CNTNAP5: variants seen among roughly 807,000 people sequenced by gnomAD.
CNTNAP5 encodes contactin-associated protein-like 5.
Under a neutral mutation model 150.2 loss-of-function variants are expected in CNTNAP5, and 72 were observed. The observed-to-expected ratio is 0.48, with a 90% CI of 0.40 to 0.58. The LOEUF (loss-of-function observed/expected upper bound fraction) is 0.58, where lower values mean the gene tolerates loss of function less well. Among genes scored for constraint, CNTNAP5 ranks in the 20% least tolerant of loss-of-function variants. The probability of loss-of-function intolerance (pLI) is 0.00; values close to 1 mark genes in which losing one functional copy is unlikely to be tolerated. For missense variants in CNTNAP5, 1,636 were observed against 1,626.2 expected (o/e 1.01, Z -0.10); for synonymous variants, 672 against 619.8 (o/e 1.08, Z -1.25).
In CNTNAP5 at chr2:124,598,873, A is replaced by T. The variant is rs537186621; in HGVS notation, c.1757-10928A>T. On this transcript the variant is annotated intron_variant, in intron 11 of 23. Coordinates refer to ENST00000682447, the MANE Select transcript of CNTNAP5 (RefSeq NM_001367498.1). Reference sequence around the variant, plus strand: ...GCGCCGTTTTTTAAGCCGGTCTGAAAAGCGCAATATTCGGGTGGGAGTGAC... The same window carrying T: ...GCGCCGTTTTTTAAGCCGGTCTGAATAGCGCAATATTCGGGTGGGAGTGAC... Among the ~76,000 whole-genome samples, 425 of 152,240 alleles carry T rather than the reference A, an allele frequency of 2.8e-3. 2 individuals are homozygous for T. The highest frequency in any genetic ancestry group is 9.7e-3 in the African/African-American group (402 of 41,544).
intron 3 of CNTNAP5, among the ~76,000 whole-genome samples, chr2:124,383,848 A>C (rs1171156466): frequency 1.3e-5 from 2 of 152,316 alleles, no homozygotes; most frequent in East Asian, 3.9e-4. Flanking sequence ...TCCTGCAGGA[A>C]ACAACCAATA....
At chr2:124,897,020 AT>A (rs1678320662) in intron 21 of CNTNAP5, among the ~76,000 whole-genome samples, 1 of 151,490 alleles carries the variant, frequency 6.6e-6, no homozygotes, top group Admixed American at 6.6e-5. Flanking sequence ...TCTATTCATC[AT>A]TTAAGCCTTT....
intron 13 of CNTNAP5, among the ~76,000 whole-genome samples, chr2:124,678,656 G>A (rs1678997183): frequency 6.6e-6 from 1 of 151,748 alleles, no homozygotes; most frequent in South Asian, 2.1e-4. Flanking sequence ...ACAGCAAATG[G>A]AACCCCCTGT....
At chr2:124,621,094 G>A (rs1367886243) in intron 12 of CNTNAP5, among the ~76,000 whole-genome samples, 1 of 152,084 alleles carries the variant, frequency 6.6e-6, no homozygotes, top group African/African-American at 2.4e-5. Context: ...CTTGAAACTT[G>A]ACATTAAACT....
chr2:124,121,060 C>T (rs930448207), intron 1 of CNTNAP5, among the ~76,000 whole-genome samples: 6 of 151,862 alleles, frequency 4.0e-5, no homozygotes, highest in Non-Finnish European at 7.4e-5. Flanking sequence ...TCAGTGTGTT[C>T]CCTGCCTTGG....
At chr2:124,438,585 C>G (rs1317147052) in intron 5 of CNTNAP5, among the ~76,000 whole-genome samples, 1 of 152,148 alleles carries the variant, frequency 6.6e-6, no homozygotes, top group East Asian at 1.9e-4. Context: ...GGGCCGAGTA[C>G]AGGGTTCAGG....
chr2:124,179,201 G>A (rs1319252943), intron 1 of CNTNAP5, among the ~76,000 whole-genome samples: 1 of 151,950 alleles, frequency 6.6e-6, no homozygotes, highest in Non-Finnish European at 1.5e-5. Context: ...CTGTGGCCCA[G>A]GCTGGAGTAC....
chr2:124,467,228 T>C (rs1693398882), intron 6 of CNTNAP5, among the ~76,000 whole-genome samples: 1 of 152,174 alleles, frequency 6.6e-6, no homozygotes, highest in Non-Finnish European at 1.5e-5. Context: ...AGTTCCAACA[T>C]GCAGAGGCCC....
intron 1 of CNTNAP5, among the ~76,000 whole-genome samples, chr2:124,090,873 G>C (rs1224174587): frequency 2.0e-5 from 3 of 152,170 alleles, no homozygotes; most frequent in African/African-American, 4.8e-5. Flanking sequence ...AAATAAGTAG[G>C]ATTCAAACAG....
intron 3 of CNTNAP5, among the ~76,000 whole-genome samples, chr2:124,269,585 G>A (rs1373902506): frequency 6.6e-6 from 1 of 152,038 alleles, no homozygotes; most frequent in African/African-American, 2.4e-5. Flanking sequence ...TTTTTCGCCT[G>A]TAGTCTGAAC....
chr2:124,028,571 T>TA (rs879379482), intron 1 of CNTNAP5, among the ~76,000 whole-genome samples: 1 of 152,178 alleles, frequency 6.6e-6, no homozygotes, highest in African/African-American at 2.4e-5. Context: ...ATTAAATAGC[T>TA]ACAATTCCTC....
At chr2:124,758,427 G>T (rs1487200501) in intron 14 of CNTNAP5, among the ~76,000 whole-genome samples, 1 of 152,012 alleles carries the variant, frequency 6.6e-6, no homozygotes, top group African/African-American at 2.4e-5. Flanking sequence ...ATATATTCAT[G>T]AAGGAACATG....
chr2:124,574,476 C>T (rs1422765249), intron 11 of CNTNAP5, among the ~76,000 whole-genome samples: 1 of 152,188 alleles, frequency 6.6e-6, no homozygotes, highest in Non-Finnish European at 1.5e-5. Flanking sequence ...TAGTCCACAT[C>T]TTGTCTATAG....
intron 1 of CNTNAP5, among the ~76,000 whole-genome samples, chr2:124,148,552 A>ATATGTT (rs1684317941): frequency 6.8e-6 from 1 of 146,950 alleles, no homozygotes; most frequent in African/African-American, 2.5e-5. Context: ...TATTATATAT[A>ATATGTT]ATATGTATAT....
chr2:124,758,605 G>A (rs537009091), intron 14 of CNTNAP5, among the ~76,000 whole-genome samples: 50 of 152,186 alleles, frequency 3.3e-4, no homozygotes, highest in African/African-American at 1.1e-3. Flanking sequence ...ATTGTCGTAG[G>A]TTGAGGAGGA....
At chr2:124,375,145 A>G (rs1223938416) in intron 3 of CNTNAP5, among the ~76,000 whole-genome samples, 1 of 152,096 alleles carries the variant, frequency 6.6e-6, no homozygotes, top group African/African-American at 2.4e-5. Context: ...GTCGCAATAC[A>G]TGGATCATCT....
intron 1 of CNTNAP5, among the ~76,000 whole-genome samples, chr2:124,071,429 T>TAAAC (rs1324720410): frequency 6.6e-6 from 1 of 151,690 alleles, no homozygotes; most frequent in African/African-American, 2.4e-5. Context: ...TTTGAAAAGA[T>TAAAC]AAACAACATT....
chr2:124,759,998 A>G (rs1231494357), intron 14 of CNTNAP5, among the ~76,000 whole-genome samples: 2 of 149,754 alleles, frequency 1.3e-5, no homozygotes, highest in African/African-American at 2.5e-5. Flanking sequence ...AAAGCAAAAG[A>G]GAAATAATTG....
At chr2:124,394,557 G>A (rs1166756729) in intron 3 of CNTNAP5, among the ~76,000 whole-genome samples, 1 of 151,972 alleles carries the variant, frequency 6.6e-6, no homozygotes, top group Non-Finnish European at 1.5e-5. Flanking sequence ...ACCCCAAATG[G>A]CATATTAACA....
Sources: gnomAD v4.1 joint callset for allele counts (sites outside exome capture counted in the v4.1 genomes callset) on GRCh38, gnomAD v4.1.1 for gene constraint, MANE v1.5 for transcripts, NCBI Gene and HGNC (gene_info 2026-07-23, HGNC 2026-07-21) for gene names.